The following CELF2 variants were observed in gnomAD, a reference collection of about 807,000 sequenced individuals.
The protein encoded by CELF2 is CUGBP Elav-like family member 2.
A neutral mutation model predicts 62.6 loss-of-function variants in CELF2; 8 were observed. The observed-to-expected ratio is 0.13, with a 90% confidence interval of 0.07 to 0.23. The LOEUF is 0.23. CELF2 is among the 10% of genes least tolerant of loss of function. CELF2 has a pLI of 1.00. For missense variants in CELF2, 333 were observed against 671.0 expected (o/e 0.50, Z 5.56); for synonymous variants, 258 against 250.0 (o/e 1.03, Z -0.30).
At chr10:11,079,160 C>T (rs1054833706) in intron 1 of CELF2, among the ~76,000 whole-genome samples, 7 of 152,126 alleles carry the variant, frequency 4.6e-5, no homozygotes, top group East Asian at 1.9e-4. Context: ...AAACTAAAAA[C>T]GTTCTAAAAC....
At chr10:10,494,545 A>C in the CELF2 span, among the ~76,000 whole-genome samples, 1 of 152,238 alleles carries the variant, frequency 6.6e-6, no homozygotes, top group African/African-American at 2.4e-5. Context: ...TGTTCTAATT[A>C]ACAAAAAGGA....
At chr10:10,598,649 T>TAACTGAAACTAAAGAATTCAGACC in the CELF2 span, among the ~76,000 whole-genome samples, 1 of 151,636 alleles carries the variant, frequency 6.6e-6, no homozygotes, top group African/African-American at 2.4e-5. Flanking sequence ...TTAGATTTGA[T>TAACTGAAACTAAAGAATTCAGACC]AACTGAAACT....
chr10:11,119,384 A>T (rs1439444803), intron 1 of CELF2, among the ~76,000 whole-genome samples: 1 of 152,194 alleles, frequency 6.6e-6, no homozygotes, highest in Admixed American at 6.5e-5. Context: ...GAAGCTGGGG[A>T]GTGCCCTGGG....
At chr10:11,024,213 G>T (rs896891307) in intron 1 of CELF2, among the ~76,000 whole-genome samples, 1 of 152,208 alleles carries the variant, frequency 6.6e-6, no homozygotes, top group African/African-American at 2.4e-5. Flanking sequence ...CAGATCAGCA[G>T]CCCAGGAGTC....
intron 2 of CELF2, among the ~76,000 whole-genome samples, chr10:10,999,273 T>C (rs929900492): frequency 1.8e-4 from 28 of 152,220 alleles, no homozygotes; most frequent in Non-Finnish European, 4.4e-5. Context: ...CCTAAGTGTC[T>C]ACCACATACC....
At chr10:10,981,866 A>C (rs2052153618) in intron 2 of CELF2, among the ~76,000 whole-genome samples, 1 of 152,234 alleles carries the variant, frequency 6.6e-6, no homozygotes, top group East Asian at 1.9e-4. Flanking sequence ...AAGGCTACAC[A>C]GTCAGGATAT....
chr10:10,858,069 A>G (rs1056138423), intron 1 of CELF2, among the ~76,000 whole-genome samples: 6 of 152,166 alleles, frequency 3.9e-5, no homozygotes, highest in African/African-American at 1.4e-4. Flanking sequence ...CACAGCTCCA[A>G]TAAGCAGTGG....
the CELF2 span, among the ~76,000 whole-genome samples, chr10:10,545,146 C>T: frequency 4.6e-5 from 7 of 152,152 alleles, no homozygotes; most frequent in Non-Finnish European, 7.3e-5. Flanking sequence ...CACAATACAA[C>T]CTGTAAGATT....
At chr10:10,952,797 G>A (rs2048471090) in intron 2 of CELF2, among the ~76,000 whole-genome samples, 2 of 152,150 alleles carry the variant, frequency 1.3e-5, no homozygotes, top group African/African-American at 4.8e-5. Context: ...AAGTGTAGTT[G>A]AAAAAGGAAA....
chr10:10,560,412 T>C, the CELF2 span, among the ~76,000 whole-genome samples: 1 of 152,206 alleles, frequency 6.6e-6, no homozygotes. Context: ...ATGTTTCCAT[T>C]GGAAAATAAG....
chr10:11,256,744 C>T (rs1382717595), intron 4 of CELF2, among the ~76,000 whole-genome samples: 1 of 150,878 alleles, frequency 6.6e-6, no homozygotes, highest in Non-Finnish European at 1.5e-5. Flanking sequence ...CCTCGTCTTT[C>T]GGGCCGAAAG....
the CELF2 span, among the ~76,000 whole-genome samples, chr10:10,699,331 C>A: frequency 6.6e-6 from 1 of 152,164 alleles, no homozygotes; most frequent in Non-Finnish European, 1.5e-5. Context: ...TCAATATAAT[C>A]TGTGGGTCCC....
intron 9 of CELF2, among the ~76,000 whole-genome samples, chr10:11,299,895 T>C (rs540397977): frequency 3.9e-5 from 6 of 152,230 alleles, no homozygotes; most frequent in Non-Finnish European, 7.4e-5. Context: ...TATACTTTTG[T>C]TTCAGTAAAT....
At chr10:11,198,684 T>G (rs1222664681) in intron 2 of CELF2, among the ~76,000 whole-genome samples, 2 of 152,212 alleles carry the variant, frequency 1.3e-5, no homozygotes, top group African/African-American at 4.8e-5. Flanking sequence ...AGCCAGCTAT[T>G]GAAGGAGACC....
At chr10:11,059,174 C>T (rs2066106807) in intron 1 of CELF2, among the ~76,000 whole-genome samples, 1 of 152,220 alleles carries the variant, frequency 6.6e-6, no homozygotes, top group Non-Finnish European at 1.5e-5. Flanking sequence ...CACTAGAACG[C>T]AGGCTCTCTG....
the CELF2 span, among the ~76,000 whole-genome samples, chr10:10,682,783 G>A: frequency 6.6e-6 from 1 of 152,032 alleles, no homozygotes; most frequent in Non-Finnish European, 1.5e-5. Flanking sequence ...TATTACGATC[G>A]CTTTTGTTCT....
At chr10:11,197,821 T>C (rs891148107) in intron 2 of CELF2, among the ~76,000 whole-genome samples, 5 of 152,260 alleles carry the variant, frequency 3.3e-5, no homozygotes, top group Non-Finnish European at 7.3e-5. Flanking sequence ...ACTGCATTTC[T>C]TTATGAGGAC....
At chr10:10,867,536 C>G (rs2060465944) in intron 1 of CELF2, among the ~76,000 whole-genome samples, 1 of 152,158 alleles carries the variant, frequency 6.6e-6, no homozygotes, top group African/African-American at 2.4e-5. Context: ...TATCGCTAAT[C>G]TTATTGGCCT....
At chr10:10,487,374 C>T in the CELF2 span, among the ~76,000 whole-genome samples, 1 of 150,462 alleles carries the variant, frequency 6.6e-6, no homozygotes, top group Non-Finnish European at 1.5e-5. Flanking sequence ...ACATCTCAGC[C>T]ATTTACAAAG....
Sources: gnomAD v4.1 joint callset for allele counts (sites outside exome capture counted in the v4.1 genomes callset) on GRCh38, gnomAD v4.1.1 for gene constraint, MANE v1.5 for transcripts, NCBI Gene and HGNC (gene_info 2026-07-23, HGNC 2026-07-21) for gene names.